KAZN: variants seen among roughly 807,000 people sequenced by gnomAD.
The protein encoded by KAZN is kazrin.
Under a neutral mutation model 87.4 loss-of-function variants are expected in KAZN, and 40 were observed. The ratio of observed to expected loss-of-function variants is 0.46; its 90% CI spans 0.36 to 0.60. The LOEUF (loss-of-function observed/expected upper bound fraction) is 0.60. Ranked by LOEUF, KAZN falls within the 20% of genes least tolerant of loss-of-function variation. KAZN has a pLI of 0.00. For synonymous variants in KAZN, 466 were observed against 458.3 expected, an observed-to-expected ratio of 1.02 and a Z score of -0.22; for missense variants, 898 against 1,073.9, an observed-to-expected ratio of 0.84 and a Z score of 2.29.
At chr1:14,436,323 GTGAA>G (rs1406005593) in intron 2 of KAZN, among the ~76,000 whole-genome samples, 1 of 152,076 alleles carries the variant, frequency 6.6e-6, no homozygotes, top group Non-Finnish European at 1.5e-5. Flanking sequence ...TCAGAATTAA[GTGAA>G]TGAGGATGAT....
At chr1:13,945,207 C>A (rs1375583983) in intron 1 of KAZN, among the ~76,000 whole-genome samples, 1 of 152,086 alleles carries the variant, frequency 6.6e-6, no homozygotes, top group African/African-American at 2.4e-5. Context: ...GGCGTGGTGG[C>A]TCACACCTAT....
chr1:14,751,188 A>G (rs187476974), intron 1 of KAZN, among the ~76,000 whole-genome samples: 1 of 152,284 alleles, frequency 6.6e-6, no homozygotes, highest in East Asian at 1.9e-4. Context: ...CCACCTAAGG[A>G]TGATCGCCAT....
At chr1:14,445,695 G>A (rs1193610683) in intron 2 of KAZN, among the ~76,000 whole-genome samples, 3 of 152,158 alleles carry the variant, frequency 2.0e-5, no homozygotes, top group South Asian at 4.1e-4. Context: ...TGTATTGACT[G>A]GGATTGTACT....
At chr1:14,957,820 T>C (rs1663323246) in intron 1 of KAZN, among the ~76,000 whole-genome samples, 1 of 152,076 alleles carries the variant, frequency 6.6e-6, no homozygotes, top group South Asian at 2.1e-4. Flanking sequence ...ATATGCTAGG[T>C]GGGGCGGGGA....
intron 2 of KAZN, among the ~76,000 whole-genome samples, chr1:14,995,370 A>G (rs1667760678): frequency 6.6e-6 from 1 of 152,150 alleles, no homozygotes; most frequent in South Asian, 2.1e-4. Context: ...TGCTATCATA[A>G]AGAGACTGGT....
chr1:15,090,588 C>G (rs181255090), intron 8 of KAZN, among the ~76,000 whole-genome samples: 1 of 152,256 alleles, frequency 6.6e-6, no homozygotes, highest in African/African-American at 2.4e-5. Flanking sequence ...CTGCCGTTTC[C>G]GCATTCCTGG....
chr1:14,927,137 C>G (rs1659255794), intron 1 of KAZN, among the ~76,000 whole-genome samples: 1 of 152,230 alleles, frequency 6.6e-6, no homozygotes, highest in African/African-American at 2.4e-5. Context: ...ACTCACTTTC[C>G]CTGTTGGCAC....
intron 2 of KAZN, among the ~76,000 whole-genome samples, chr1:14,981,709 G>T (rs974792161): frequency 2.2e-4 from 34 of 152,216 alleles, no homozygotes; most frequent in African/African-American, 8.0e-4. Context: ...GCACTTTTGG[G>T]CAGTACACAA....
At chr1:13,943,219 C>T (rs1641005221) in intron 1 of KAZN, among the ~76,000 whole-genome samples, 1 of 152,274 alleles carries the variant, frequency 6.6e-6, no homozygotes, top group Non-Finnish European at 1.5e-5. Context: ...GAAGATACTA[C>T]TTTCAAAAGA....
intron 1 of KAZN, among the ~76,000 whole-genome samples, chr1:14,641,835 A>G (rs1255007404): frequency 6.6e-6 from 1 of 152,264 alleles, no homozygotes; most frequent in East Asian, 1.9e-4. Flanking sequence ...ATCAAAATTA[A>G]AAACTTCTTC....
chr1:13,982,554 C>T (rs542290602), intron 1 of KAZN, among the ~76,000 whole-genome samples: 1 of 152,324 alleles, frequency 6.6e-6, no homozygotes, highest in Admixed American at 6.5e-5. Context: ...GAGGTGGTTG[C>T]CACTGCTGGC....
chr1:14,628,639 T>A (rs1422495775), intron 1 of KAZN, among the ~76,000 whole-genome samples: 1 of 152,168 alleles, frequency 6.6e-6, no homozygotes, highest in Non-Finnish European at 1.5e-5. Flanking sequence ...AGATACAGAA[T>A]CTATTTTCAC....
chr1:14,463,952 G>T (rs908989854), intron 2 of KAZN, among the ~76,000 whole-genome samples: 13 of 152,198 alleles, frequency 8.5e-5, no homozygotes, highest in Non-Finnish European at 1.6e-4. Flanking sequence ...TTCATTCTGA[G>T]AGCTTGGAGG....
At chr1:14,205,975 A>G (rs1646735714) in intron 2 of KAZN, among the ~76,000 whole-genome samples, 1 of 151,366 alleles carries the variant, frequency 6.6e-6, no homozygotes, top group Admixed American at 6.6e-5. Flanking sequence ...TACATATGTA[A>G]GAAGCCTGCA....
chr1:14,033,442 C>T (rs914604577), intron 1 of KAZN, among the ~76,000 whole-genome samples: 2 of 152,336 alleles, frequency 1.3e-5, no homozygotes, highest in Admixed American at 1.3e-4. Context: ...ATCATTGATA[C>T]TGAGAACTTT....
At chr1:14,277,817 T>C (rs1388767295) in intron 2 of KAZN, among the ~76,000 whole-genome samples, 2 of 152,126 alleles carry the variant, frequency 1.3e-5, no homozygotes, top group Admixed American at 6.5e-5. Flanking sequence ...TTCCTGGATA[T>C]TATATCATTC....
intron 1 of KAZN, among the ~76,000 whole-genome samples, chr1:14,752,310 T>C (rs911825864): frequency 1.3e-5 from 2 of 152,186 alleles, no homozygotes; most frequent in South Asian, 2.1e-4. Context: ...CTGATATGCC[T>C]TCCCTGATCC....
chr1:14,937,553 A>G (rs1660596528), intron 1 of KAZN, among the ~76,000 whole-genome samples: 1 of 152,182 alleles, frequency 6.6e-6, no homozygotes, highest in South Asian at 2.1e-4. Flanking sequence ...CCCTGGATCT[A>G]TCAGCCTCCT....
intron 2 of KAZN, among the ~76,000 whole-genome samples, chr1:14,211,459 C>T (rs1207488608): frequency 6.6e-6 from 1 of 152,128 alleles, no homozygotes; most frequent in Non-Finnish European, 1.5e-5. Flanking sequence ...CTTGTGACCT[C>T]GTGATCTGCC....
Sources: allele counts gnomAD v4.1 joint callset (sites outside exome capture counted in the v4.1 genomes callset), GRCh38; gene constraint gnomAD v4.1.1; transcripts MANE v1.5; gene names NCBI Gene and HGNC (gene_info 2026-07-23, HGNC 2026-07-21).